The following ARPP21 variants were observed in gnomAD, a reference collection of about 807,000 sequenced individuals.
ARPP21 encodes cAMP-regulated phosphoprotein 21.
In ARPP21, 69 loss-of-function variants were observed where a neutral mutation model predicts 113.2. The ratio of observed to expected loss-of-function variants is 0.61; its 90% CI spans 0.50 to 0.74. The LOEUF (loss-of-function observed/expected upper bound fraction) is 0.74. ARPP21 is among the 30% of genes least tolerant of loss of function. The pLI is 0.00. For missense variants in ARPP21, 1,070 were observed against 1,037.4 expected (o/e 1.03, Z -0.43); for synonymous variants, 368 against 375.5 (o/e 0.98, Z 0.23).
At chr3:35,706,949 T>C (rs1353569533) in intron 9 of ARPP21, 25 bp from the exon 10 acceptor site, 1 of 1,567,664 alleles carries the variant, frequency 6.4e-7, no homozygotes, top group South Asian at 1.2e-5. Flanking sequence ...AACTTTTTTA[T>C]TGATATGTTT....
chr3:35,767,432 T>G (rs1013713615), intron 19 of ARPP21, among the ~76,000 whole-genome samples: 2 of 152,154 alleles, frequency 1.3e-5, no homozygotes, highest in Non-Finnish European at 2.9e-5. Flanking sequence ...TTTGTTGGCC[T>G]GACTGAAAAA....
rs563534791 is a variant in ARPP21 at position 35,681,961 on chromosome 3, T to C, written c.129+81T>C. 827 of 1,437,996 alleles carry C rather than the reference T, an allele frequency of 5.8e-4. 8 individuals carry two copies. In the South Asian group the frequency reaches 9.2e-3, roughly 16 times the overall value. The allele number at this position is 1,437,996 out of a possible 1,614,324, so 89.1% of individuals were successfully genotyped here. On this transcript the variant is annotated intron_variant, in intron 3 of 20. Transcript: ENST00000684406. ...TTTATTTTCAGAATACTTTAGAGAT[T>C]TATTTTTTAAAGAGTTTCACTGGTT... is the stretch of plus-strand genomic sequence containing the variant.
At chr3:35,793,541 G>A (rs2096789197) in intron 20 of ARPP21, among the ~76,000 whole-genome samples, 160 bp from the exon 21 acceptor site, 1 of 152,180 alleles carries the variant, frequency 6.6e-6, no homozygotes, top group Admixed American at 6.5e-5. Flanking sequence ...GAGGTTAAGT[G>A]ACTTTCCTAA....
chr3:35,673,191 A>T (rs2076754900), intron 1 of ARPP21, among the ~76,000 whole-genome samples: 1 of 152,034 alleles, frequency 6.6e-6, no homozygotes. Flanking sequence ...GAAATTCCAC[A>T]AGCTATGCTT....
At chr3:35,685,081 C>T (rs948618649) in intron 5 of ARPP21, 1 of 985,232 alleles carries the variant, frequency 1.0e-6, no homozygotes, top group African/African-American at 1.7e-5. Context: ...ATGACAGACC[C>T]TGGGAGAAGT....
intron 1 of ARPP21, among the ~76,000 whole-genome samples, chr3:35,657,556 C>T (rs1705604398): frequency 6.6e-6 from 1 of 152,088 alleles, no homozygotes; most frequent in Admixed American, 6.6e-5. Flanking sequence ...GTGCTTAATC[C>T]TCTCAGCCAC....
intron 19 of ARPP21, among the ~76,000 whole-genome samples, chr3:35,760,706 C>T (rs2095741294): frequency 2.0e-5 from 3 of 152,070 alleles, no homozygotes; most frequent in Non-Finnish European, 4.4e-5. Flanking sequence ...CCCATCATGG[C>T]ACTGTGGATA....
chr3:35,728,086 T>C (rs1238185333), intron 14 of ARPP21, among the ~76,000 whole-genome samples: 1 of 151,320 alleles, frequency 6.6e-6, no homozygotes, highest in Non-Finnish European at 1.5e-5. Context: ...CTCTTAGCTA[T>C]ATTGATAAGA....
At chr3:35,767,889 A>G (rs1317059372) in intron 19 of ARPP21, among the ~76,000 whole-genome samples, 2 of 152,028 alleles carry the variant, frequency 1.3e-5, no homozygotes, top group South Asian at 2.1e-4. Context: ...GTCCTTAAAC[A>G]TTATTATTCA....
chr3:35,685,002 G>A (rs542573625), intron 5 of ARPP21: 5 of 984,128 alleles, frequency 5.1e-6, no homozygotes, highest in Admixed American at 6.2e-5. Context: ...TGAATATCAC[G>A]GCTTATATTA....
At chr3:35,704,152 G>A (rs2087676044) in intron 9 of ARPP21, among the ~76,000 whole-genome samples, 1 of 151,502 alleles carries the variant, frequency 6.6e-6, no homozygotes, top group Non-Finnish European at 1.5e-5. Context: ...AAATACAAAA[G>A]GATTAATAAT....
intron 7 of ARPP21, among the ~76,000 whole-genome samples, chr3:35,689,700 T>G (rs1326891007): frequency 6.6e-6 from 1 of 151,632 alleles, no homozygotes; most frequent in East Asian, 1.9e-4. Flanking sequence ...CAATTATGTT[T>G]TAATGCAGCT....
chr3:35,747,693 C>T (rs139705891), intron 19 of ARPP21, among the ~76,000 whole-genome samples: 6 of 152,124 alleles, frequency 3.9e-5, no homozygotes, highest in East Asian at 3.9e-4. Context: ...TACAAAATCA[C>T]GAGGATAAAG....
Position 35,697,360 on chromosome 3 carries a change from A to G in ARPP21, c.686+6355A>G, listed in dbSNP as rs557191552. ...CTATACCTTAAGTGCCCAAGGACAT[A>G]TCCAGTGATCCTGAGAAGTGTGAGC... On this transcript the variant is annotated intron_variant, in intron 9 of 20. Transcript: ENST00000684406. Among the ~76,000 whole-genome samples, 97 of 151,742 alleles carry G rather than the reference A, an allele frequency of 6.4e-4. 1 individual carries two copies. The highest frequency in any genetic ancestry group is 1.9e-3 in the African/African-American group (80 of 41,492).
In ARPP21 at chr3:35,687,779, A is replaced by G. The variant is rs776328567; in HGVS notation, c.302A>G (p.Gln101Arg). The G allele has an allele frequency of 3.1e-6, 5 of 1,605,982 alleles. No homozygotes were observed. In the South Asian group the frequency reaches 4.5e-5, roughly 14 times the overall value. The change falls in exon 6 of 21, where the codon CAA (glutamine) becomes CGA (arginine). Residue 101 changes from glutamine (Q) to arginine (R), a missense_variant. By Grantham distance (43) the Gln-to-Arg change is conservative. Coordinates refer to ENST00000684406, the MANE Select transcript of ARPP21 (RefSeq NM_001385562.1). ...HLQLSSFSSLQEEDKSRKDDS... is the reference protein window; with the variant it reads ...HLQLSSFSSLREEDKSRKDDS... Reference sequence around the variant, plus strand: ...CAGCTTTCCAGTTTTTCCAGCCTGCAAGAGGAGGATAAATCTAGGAAAGAT... The same window carrying G: ...CAGCTTTCCAGTTTTTCCAGCCTGCGAGAGGAGGATAAATCTAGGAAAGAT...
chr3:35,744,524 G>A (rs983125149), intron 19 of ARPP21: 4 of 528,382 alleles, frequency 7.6e-6, no homozygotes, highest in Admixed American at 3.9e-5. Flanking sequence ...TGAGTAGCAG[G>A]TCTCACAGTG....
chr3:35,729,261 C>A, intron 14 of ARPP21, 42 bp from the exon 15 acceptor site: 2 of 1,392,058 alleles, frequency 1.4e-6, no homozygotes, highest in Non-Finnish European at 2.0e-6. Context: ...TTTCTCTCAT[C>A]TCTGTGTGTT....
intron 1 of ARPP21, among the ~76,000 whole-genome samples, chr3:35,648,935 A>C (rs1701319430): frequency 6.6e-6 from 1 of 152,208 alleles, no homozygotes; most frequent in Admixed American, 6.5e-5. Flanking sequence ...AAACAAAAAC[A>C]AGGAAAGTGT....
intron 19 of ARPP21, among the ~76,000 whole-genome samples, chr3:35,748,110 G>A (rs952700609): frequency 1.0e-5 from 1 of 95,904 alleles, no homozygotes; most frequent in Non-Finnish European, 2.0e-5. Context: ...AAGAAAGAAA[G>A]AAGAAAGAAA....
Sources: allele counts gnomAD v4.1 joint callset (sites outside exome capture counted in the v4.1 genomes callset), GRCh38; gene constraint gnomAD v4.1.1; transcripts MANE v1.5; gene names NCBI Gene and HGNC (gene_info 2026-07-23, HGNC 2026-07-21).